Variants in HOMER2 observed in about 807,000 individuals in gnomAD.
HOMER2 encodes homer scaffold protein 2, also known as homer protein homolog 2.
A neutral mutation model predicts 47.0 loss-of-function variants in HOMER2; 27 were observed. That is an observed-to-expected ratio of 0.57 (90% CI 0.42 to 0.79). The LOEUF is 0.79. HOMER2 is among the 30% of genes least tolerant of loss of function. The probability of loss-of-function intolerance (pLI) is 0.00; values close to 1 mark genes in which losing one functional copy is unlikely to be tolerated. For synonymous variants in HOMER2, 161 were observed against 163.8 expected, an observed-to-expected ratio of 0.98 and a Z score of 0.13; for missense variants, 443 against 435.0, an observed-to-expected ratio of 1.02 and a Z score of -0.16.
intron 1 of HOMER2, among the ~76,000 whole-genome samples, chr15:82,894,348 G>C (rs559044484): frequency 6.6e-6 from 1 of 152,106 alleles, no homozygotes; most frequent in African/African-American, 2.4e-5. Flanking sequence ...TTTGAAGAAA[G>C]CATCTTTACA....
intron 1 of HOMER2, among the ~76,000 whole-genome samples, chr15:82,924,950 C>G (rs763460552): frequency 1.3e-5 from 2 of 152,204 alleles, no homozygotes; most frequent in Non-Finnish European, 2.9e-5. Context: ...ATTTCCCACA[C>G]CTTTGTTCTA....
At chr15:82,930,496 T>A (rs894989751) in intron 1 of HOMER2, among the ~76,000 whole-genome samples, 1 of 151,602 alleles carries the variant, frequency 6.6e-6, no homozygotes, top group East Asian at 1.9e-4. Context: ...GAAGGGAGGG[T>A]CTTCTGCCTG....
intron 1 of HOMER2, among the ~76,000 whole-genome samples, chr15:82,901,519 C>T (rs533358363): frequency 1.8e-4 from 28 of 152,196 alleles, no homozygotes; most frequent in Admixed American, 1.3e-4. Flanking sequence ...TCTCCCTCCA[C>T]CTCAGTCCAG....
At chr15:82,912,325 T>C (rs939371443) in intron 1 of HOMER2, among the ~76,000 whole-genome samples, 2 of 152,196 alleles carry the variant, frequency 1.3e-5, no homozygotes, top group East Asian at 1.9e-4. Flanking sequence ...TTCATATAAA[T>C]TGAATCATAT....
intron 1 of HOMER2, among the ~76,000 whole-genome samples, chr15:82,944,740 G>A (rs960575365): frequency 7.5e-5 from 11 of 146,160 alleles, no homozygotes; most frequent in Non-Finnish European, 1.5e-4. Context: ...TTTGCCCACG[G>A]TTTTTTTTTT....
At chr15:82,905,979 G>GTA (rs2053273296) in intron 1 of HOMER2, among the ~76,000 whole-genome samples, 2 of 152,154 alleles carry the variant, frequency 1.3e-5, no homozygotes, top group South Asian at 2.1e-4. Flanking sequence ...GAATATGTAT[G>GTA]TATATATATG....
intron 4 of HOMER2, among the ~76,000 whole-genome samples, chr15:82,863,216 C>G (rs963109511): frequency 5.9e-5 from 9 of 152,090 alleles, no homozygotes; most frequent in African/African-American, 2.2e-4. Flanking sequence ...CCTGGCCCAG[C>G]TATTCTCTCC....
downstream of HOMER2, chr15:82,848,927 A>G (rs1223138323): frequency 6.6e-6 from 1 of 152,272 alleles, no homozygotes; most frequent in Non-Finnish European, 1.5e-5. Context: ...GCATCATTCG[A>G]CAGGGTCCCA....
chr15:82,859,860 G>T (rs568428658), intron 4 of HOMER2, among the ~76,000 whole-genome samples: 9 of 151,144 alleles, frequency 6.0e-5, no homozygotes, highest in African/African-American at 2.2e-4. Flanking sequence ...TTCAATTTCT[G>T]AATTTCAAAA....
intron 1 of HOMER2, among the ~76,000 whole-genome samples, chr15:82,984,839 C>CA (rs1413152313): frequency 6.6e-6 from 1 of 151,592 alleles, no homozygotes. Context: ...AACAAACAAA[C>CA]AAAAAAAGCA....
intron 1 of HOMER2, among the ~76,000 whole-genome samples, chr15:82,934,462 G>A: frequency 6.6e-6 from 1 of 152,000 alleles, no homozygotes; most frequent in East Asian, 1.9e-4. Context: ...TAAAACATGA[G>A]CTGCAGATCC....
At chr15:82,897,379 T>C (rs1338317941) in intron 1 of HOMER2, among the ~76,000 whole-genome samples, 2 of 152,164 alleles carry the variant, frequency 1.3e-5, no homozygotes, top group South Asian at 4.1e-4. Flanking sequence ...ATATTATTTC[T>C]AAGTGACATG....
chr15:82,858,800 A>T (rs1381313496), intron 5 of HOMER2, among the ~76,000 whole-genome samples: 4 of 152,016 alleles, frequency 2.6e-5, no homozygotes, highest in Non-Finnish European at 5.9e-5. Context: ...TCTCTCTCAC[A>T]CACACACACT....
At chr15:82,871,793 A>G (rs1203584711) in intron 3 of HOMER2, among the ~76,000 whole-genome samples, 3 of 152,320 alleles carry the variant, frequency 2.0e-5, no homozygotes, top group Middle Eastern at 6.8e-3. Flanking sequence ...AGGTCTCTTC[A>G]GTTCTCAGAG....
chr15:82,941,821 A>T (rs2054274008), intron 1 of HOMER2, among the ~76,000 whole-genome samples: 1 of 152,144 alleles, frequency 6.6e-6, no homozygotes, highest in Non-Finnish European at 1.5e-5. Context: ...AGCTAATGTA[A>T]ATCAACATGT....
chr15:82,882,611 T>G (rs1033534876), intron 2 of HOMER2, among the ~76,000 whole-genome samples: 1 of 152,182 alleles, frequency 6.6e-6, no homozygotes, highest in African/African-American at 2.4e-5. Flanking sequence ...CAGGTCTGAG[T>G]ACAGATCTTC....
At chr15:82,843,373 G>A (rs2051196395) in exon 2 of HOMER2, 1 of 147,794 alleles carries the variant, frequency 6.8e-6, no homozygotes, top group Non-Finnish European at 1.5e-5. Context: ...GAACCCGGGA[G>A]GCGCAGGTTG....
At position 82,945,875 on chromosome 15, in the gene HOMER2, T is replaced by C. The variant is rs867805262; in HGVS notation, c.5+6656A>G. Among the ~76,000 whole-genome samples the C allele has an allele frequency of 2.2e-4, 33 of 151,382 alleles. 1 individual carries two copies. The highest frequency in any genetic ancestry group is 4.2e-4 in the South Asian group (2 of 4,782). ...GTCCCAGCTACTCGGGAGGCTAAGGTAGGAGAATCGCTTGAACCCAAGAGG... is the reference window on the plus strand; with the variant it reads ...GTCCCAGCTACTCGGGAGGCTAAGGCAGGAGAATCGCTTGAACCCAAGAGG... On this transcript the variant is annotated intron_variant, in intron 1 of 8. Coordinates refer to ENST00000450735, the MANE Select transcript of HOMER2 (RefSeq NM_004839.4).
chr15:82,928,960 A>AAAAAAAAAAAAAAAAAAAAG (rs2053933614), intron 1 of HOMER2, among the ~76,000 whole-genome samples: 1 of 148,750 alleles, frequency 6.7e-6, no homozygotes. Flanking sequence ...AAAAAAAAAA[A>AAAAAAAAAAAAAAAAAAAAG]GCTGTCATGC....
Sources: gnomAD v4.1 joint callset for allele counts (sites outside exome capture counted in the v4.1 genomes callset) on GRCh38, gnomAD v4.1.1 for gene constraint, MANE v1.5 for transcripts, NCBI Gene and HGNC (gene_info 2026-07-23, HGNC 2026-07-21) for gene names.